MBD5: variants seen among roughly 807,000 people sequenced by gnomAD.
MBD5 encodes the protein methyl-CpG binding domain protein 5, also known as methyl-CpG-binding domain protein 5.
In MBD5, 13 loss-of-function variants were observed where a neutral mutation model predicts 117.3. The observed-to-expected ratio is 0.11, with a 90% CI of 0.07 to 0.18. The LOEUF (loss-of-function observed/expected upper bound fraction) is 0.18. Among genes scored for constraint, MBD5 ranks in the 10% least tolerant of loss-of-function variants. The pLI is 1.00. For synonymous variants in MBD5, 727 were observed against 766.4 expected (o/e 0.95, Z 0.85); for missense variants, 1,879 against 2,093.8 (o/e 0.90, Z 2.00).
In MBD5 at chr2:148,483,711, G is replaced by A. The variant is rs1438713764; in HGVS notation, c.3120G>A (p.Gln1040=). 69 of 1,550,550 alleles carry A rather than the reference G, an allele frequency of 4.5e-5. No homozygotes were observed. Among genetic ancestry groups the A allele is most frequent in the Non-Finnish European group, 5.6e-5 (64 of 1,146,962 alleles). The change falls in exon 9 of 14, where the codon CAG becomes CAA. Residue 1040 remains glutamine, a synonymous_variant. Transcript: ENST00000642680. ...CACCAGACCATTTGCCAAGCAATCA[G>A]TCAGACAACAGCCGAGCTGAGACCC... ...TAPPDHLPSN[Q]SDNSRAETLL... is the part of the protein sequence containing the mutation.
At chr2:148,379,077 A>G (rs1023284878) in intron 4 of MBD5, among the ~76,000 whole-genome samples, 5 of 152,102 alleles carry the variant, frequency 3.3e-5, no homozygotes, top group Admixed American at 6.5e-5. Flanking sequence ...GATAGAGCAA[A>G]TGAAAGAAAG....
intron 1 of MBD5, among the ~76,000 whole-genome samples, chr2:148,047,016 G>A (rs1468048098): frequency 6.6e-6 from 1 of 152,028 alleles, no homozygotes; most frequent in East Asian, 1.9e-4. Context: ...TCAAGATTAT[G>A]TTGTGCTCCT....
At chr2:148,148,190 G>C (rs1038664012) in intron 1 of MBD5, among the ~76,000 whole-genome samples, 2 of 152,144 alleles carry the variant, frequency 1.3e-5, no homozygotes, top group African/African-American at 4.8e-5. Flanking sequence ...CCTGAAAATG[G>C]AGCTTAGTGA....
intron 3 of MBD5, among the ~76,000 whole-genome samples, chr2:148,248,371 CA>C (rs1275052451): frequency 2.0e-5 from 3 of 151,822 alleles, no homozygotes; most frequent in Non-Finnish European, 2.9e-5. Context: ...TAAGTGATAC[CA>C]AAAAACAAAA....
intron 4 of MBD5, among the ~76,000 whole-genome samples, chr2:148,392,260 G>C (rs1367374719): frequency 1.3e-5 from 2 of 151,990 alleles, no homozygotes; most frequent in Non-Finnish European, 2.9e-5. Context: ...TCTTTGTTAT[G>C]GTTTTTGATT....
chr2:148,044,540 T>C (rs1694461413), intron 1 of MBD5: 1 of 152,140 alleles, frequency 6.6e-6, no homozygotes, highest in African/African-American at 2.4e-5. Context: ...TAAAATAATG[T>C]AGATGACTCA....
chr2:148,322,399 A>G (rs572333434), intron 3 of MBD5, among the ~76,000 whole-genome samples: 2 of 152,300 alleles, frequency 1.3e-5, no homozygotes, highest in South Asian at 4.1e-4. Flanking sequence ...TATTGTACCT[A>G]GTACTACTTT....
intron 4 of MBD5, among the ~76,000 whole-genome samples, chr2:148,342,721 T>A (rs1024215177): frequency 6.6e-6 from 1 of 152,116 alleles, no homozygotes; most frequent in East Asian, 1.9e-4. Flanking sequence ...CTGCTCTGCT[T>A]CTTTTACTTA....
In MBD5 at chr2:148,384,330, G is replaced by C. The variant is rs374353472; in HGVS notation, c.-557+41994G>C. Among the ~76,000 whole-genome samples, 5 of 152,172 alleles carry C rather than the reference G, an allele frequency of 3.3e-5. No homozygotes were observed. The South Asian group carries it at 8.3e-4, about 25-fold the overall frequency. On this transcript the variant is annotated intron_variant, in intron 4 of 13. Coordinates refer to ENST00000642680, the MANE Select transcript of MBD5 (RefSeq NM_001378120.1). ...TATACACCAATAACAGACAAACAGAGAGCCAAATCATGAGGGAACTCCCAT... is the reference window on the plus strand; with the variant it reads ...TATACACCAATAACAGACAAACAGACAGCCAAATCATGAGGGAACTCCCAT...
In MBD5 at chr2:148,463,879, A is replaced by C; in HGVS notation, c.357A>C (p.Pro119=). 6.2e-7 allele frequency: 1 copy of C among 1,613,714 alleles called. No homozygotes were observed. The highest frequency in any genetic ancestry group is 1.7e-5 in the Admixed American group (1 of 59,968). Residue 119 remains proline (P), a synonymous_variant, in exon 7 of 14, where the codon CCA becomes CCC. Coordinates refer to ENST00000642680, the MANE Select transcript of MBD5 (RefSeq NM_001378120.1). ...CACTTCATAAAAGCATGGAAGCCCC[A>C]CATCCTTCTCTGGTGCTCACCAGTC... ...VATLHKSMEA[P]HPSLVLTSPG... is the part of the protein sequence containing the mutation.
At chr2:148,161,640 A>C (rs112635108) in intron 1 of MBD5, among the ~76,000 whole-genome samples, 11 of 152,288 alleles carry the variant, frequency 7.2e-5, no homozygotes, top group African/African-American at 2.4e-4. Flanking sequence ...AATGTTTCAC[A>C]TCCTTGACTC....
At chr2:148,328,587 G>A (rs1702538856) in intron 3 of MBD5, among the ~76,000 whole-genome samples, 1 of 152,236 alleles carries the variant, frequency 6.6e-6, no homozygotes, top group South Asian at 2.1e-4. Flanking sequence ...GTATTCGGGT[G>A]GGAGTGACCC....
At chr2:148,400,092 C>A (rs1704870566) in intron 4 of MBD5, among the ~76,000 whole-genome samples, 1 of 152,156 alleles carries the variant, frequency 6.6e-6, no homozygotes, top group Non-Finnish European at 1.5e-5. Context: ...CGATGTTCAT[C>A]AGGGATATTG....
chr2:148,388,200 TG>T (rs1364092374), intron 4 of MBD5, among the ~76,000 whole-genome samples: 1 of 152,166 alleles, frequency 6.6e-6, no homozygotes, highest in Non-Finnish European at 1.5e-5. Context: ...CACAAAGGAA[TG>T]GCGAATATAA....
At chr2:148,134,593 T>C (rs563334454) in intron 1 of MBD5, among the ~76,000 whole-genome samples, 1 of 152,336 alleles carries the variant, frequency 6.6e-6, no homozygotes, top group Non-Finnish European at 1.5e-5. Context: ...TAAGAATGTT[T>C]AATTCCCTAT....
Position 148,140,299 on chromosome 2 carries a change from T to A in MBD5, c.-924-38401T>A, listed in dbSNP as rs10195846. Among the ~76,000 whole-genome samples, 1,503 of 152,320 alleles carry A rather than the reference T, an allele frequency of 9.9e-3. 27 individuals carry two copies. Among genetic ancestry groups the A allele is most frequent in the African/African-American group, 0.034 (1,425 of 41,566 alleles). On this transcript the variant is annotated intron_variant, in intron 1 of 13. Coordinates refer to ENST00000642680, the MANE Select transcript of MBD5 (RefSeq NM_001378120.1). The stretch of plus-strand genomic sequence containing the variant: ...AATAATGCATTTTAGTGTAACTAAA[T>A]TGAAAGCACCAAACACTACTACTAA...
At chr2:148,231,793 T>C (rs1423396041) in intron 2 of MBD5, among the ~76,000 whole-genome samples, 2 of 152,208 alleles carry the variant, frequency 1.3e-5, no homozygotes, top group Admixed American at 6.5e-5. Context: ...CTATATTACC[T>C]TAAAAATACC....
At chr2:148,296,292 T>C (rs1397074008) in intron 3 of MBD5, 1 of 175,108 alleles carries the variant, frequency 5.7e-6, no homozygotes, top group East Asian at 1.9e-4. Context: ...AACCCATGGG[T>C]ATCTTGTTGC....
chr2:148,035,922 A>C (rs535628971), intron 1 of MBD5, among the ~76,000 whole-genome samples: 1 of 152,310 alleles, frequency 6.6e-6, no homozygotes, highest in East Asian at 1.9e-4. Context: ...AAAAGTATTA[A>C]CTGTTATAGT....
Sources: allele counts gnomAD v4.1 joint callset (sites outside exome capture counted in the v4.1 genomes callset), GRCh38; gene constraint gnomAD v4.1.1; transcripts MANE v1.5; gene names NCBI Gene and HGNC (gene_info 2026-07-23, HGNC 2026-07-21).